Variants in INVS observed in about 807,000 individuals in gnomAD.
INVS encodes inversin, also known as inversion of embryo turning homolog.
In INVS, 86 loss-of-function variants were observed where a neutral mutation model predicts 108.8. The observed-to-expected ratio is 0.79, with a 90% CI of 0.66 to 0.95. The LOEUF (loss-of-function observed/expected upper bound fraction) is 0.95. Among genes scored for constraint, INVS ranks in the 40% least tolerant of loss-of-function variants. The probability of loss-of-function intolerance (pLI) is 0.00; values close to 1 mark genes in which losing one functional copy is unlikely to be tolerated. For missense variants in INVS, 1,169 were observed against 1,297.4 expected, an observed-to-expected ratio of 0.90 and a Z score of 1.52; for synonymous variants, 455 against 473.5, an observed-to-expected ratio of 0.96 and a Z score of 0.51.
intron 10 of INVS, among the ~76,000 whole-genome samples, chr9:100,258,073 AT>A (rs1161000967): frequency 6.6e-6 from 1 of 152,184 alleles, no homozygotes; most frequent in Non-Finnish European, 1.5e-5. Flanking sequence ...GTCTTTTCAC[AT>A]AGACCCATAT....
intron 3 of INVS, among the ~76,000 whole-genome samples, chr9:100,140,698 T>C (rs1383769750): frequency 2.6e-5 from 4 of 152,246 alleles, no homozygotes; most frequent in African/African-American, 7.2e-5. Flanking sequence ...CGATGTTTCT[T>C]AGGGCTGCTT....
chr9:100,292,286 C>T (rs142068558), intron 13 of INVS, 40 bp from the exon 14 acceptor site: 1 of 1,546,632 alleles, frequency 6.5e-7, no homozygotes, highest in East Asian at 2.2e-5. Context: ...TTATCCTACT[C>T]TGCAAGTTTT....
intron 10 of INVS, among the ~76,000 whole-genome samples, chr9:100,260,828 A>G (rs1428409660): frequency 6.6e-6 from 1 of 152,140 alleles, no homozygotes; most frequent in Non-Finnish European, 1.5e-5. Context: ...CTTTTTCACT[A>G]TTATAGGTAA....
At chr9:100,264,769 C>T in intron 10 of INVS, 53 bp from the exon 11 acceptor site, 1 of 1,190,096 alleles carries the variant, frequency 8.4e-7, no homozygotes, top group Non-Finnish European at 1.3e-6. Context: ...TAAATAACCA[C>T]ATATCCAAAA....
chr9:100,228,918 A>G (rs1304397509), intron 4 of INVS, among the ~76,000 whole-genome samples: 1 of 152,190 alleles, frequency 6.6e-6, no homozygotes, highest in Non-Finnish European at 1.5e-5. Flanking sequence ...TGTCAAACCC[A>G]ATTCCCGTCA....
At chr9:100,255,884 T>C (rs1832403238) in intron 10 of INVS, among the ~76,000 whole-genome samples, 1 of 152,176 alleles carries the variant, frequency 6.6e-6, no homozygotes, top group Admixed American at 6.5e-5. Flanking sequence ...TCTTTTTTTG[T>C]TGTGTCTCTG....
At chr9:100,204,287 A>T (rs895431045) in intron 3 of INVS, among the ~76,000 whole-genome samples, 2 of 152,350 alleles carry the variant, frequency 1.3e-5, no homozygotes, top group East Asian at 3.9e-4. Flanking sequence ...AATAAGGATA[A>T]TGCAGTTCAC....
At chr9:100,149,090 T>G (rs1344102740) in intron 3 of INVS, among the ~76,000 whole-genome samples, 1 of 152,174 alleles carries the variant, frequency 6.6e-6, no homozygotes, top group African/African-American at 2.4e-5. Context: ...ACTCATACCT[T>G]TTGCTTTAGT....
At chr9:100,157,103 A>G (rs1323805108) in intron 3 of INVS, among the ~76,000 whole-genome samples, 1 of 151,620 alleles carries the variant, frequency 6.6e-6, no homozygotes, top group Non-Finnish European at 1.5e-5. Context: ...TCATGGAAAG[A>G]TCTCCAGGGT....
At chr9:100,247,835 G>A (rs1217486648) in intron 8 of INVS, among the ~76,000 whole-genome samples, 4 of 151,864 alleles carry the variant, frequency 2.6e-5, no homozygotes, top group African/African-American at 9.7e-5. Context: ...TTGAGACGGA[G>A]TCTCACTCTG....
intron 3 of INVS, among the ~76,000 whole-genome samples, chr9:100,163,572 T>C (rs1244626738): frequency 1.3e-5 from 2 of 152,142 alleles, no homozygotes; most frequent in Non-Finnish European, 2.9e-5. Context: ...TTTTAAAGTA[T>C]ATATTATATC....
At chr9:100,146,203 T>C (rs1392227779) in intron 3 of INVS, among the ~76,000 whole-genome samples, 6 of 151,950 alleles carry the variant, frequency 3.9e-5, no homozygotes, top group African/African-American at 1.5e-4. Flanking sequence ...GCGGGCTGAG[T>C]CTGAAAAGAG....
chr9:100,122,234 A>G (rs1019689836), intron 2 of INVS, among the ~76,000 whole-genome samples: 7 of 152,138 alleles, frequency 4.6e-5, no homozygotes, highest in South Asian at 2.1e-4. Flanking sequence ...GCTGATTTTC[A>G]TTTTAGTGGT....
rs574023805 is a variant in INVS, at chr9:100,115,169, A to G, written c.106+10542A>G. On this transcript the variant is annotated intron_variant, in intron 2 of 16. Coordinates refer to ENST00000262457, the MANE Select transcript of INVS (RefSeq NM_014425.5). The stretch of plus-strand genomic sequence containing the variant: ...TCTAATAGATGTGCAGTGGTATCGC[A>G]TTATAGGTTAAGTTTACATTTCCCT... 6.6e-5 allele frequency among the ~76,000 whole-genome samples: 10 copies of G among 152,276 alleles called. 1 individual carries two copies. In the South Asian group the frequency reaches 1.0e-3, roughly 16 times the overall value.
At chr9:100,292,124 T>A (rs1242268712) in intron 13 of INVS, among the ~76,000 whole-genome samples, 3 of 152,200 alleles carry the variant, frequency 2.0e-5, no homozygotes, top group Non-Finnish European at 4.4e-5. Flanking sequence ...ATCCACTATA[T>A]TTTCGTTAAG....
chr9:100,163,186 A>ATTT (rs556149756), intron 3 of INVS, among the ~76,000 whole-genome samples: 1,703 of 131,812 alleles, frequency 0.013, 46 homozygotes, highest in African/African-American at 0.045. Flanking sequence ...TGTTCTTTCT[A>ATTT]TTTTTTTTTT....
intron 3 of INVS, among the ~76,000 whole-genome samples, chr9:100,201,373 C>T (rs1420065696): frequency 5.9e-5 from 9 of 152,202 alleles, no homozygotes; most frequent in Admixed American, 5.9e-4. Context: ...AAGGGAGGTA[C>T]CATTTTTAGC....
intron 3 of INVS, among the ~76,000 whole-genome samples, chr9:100,150,527 A>G (rs1828774804): frequency 6.6e-6 from 1 of 152,198 alleles, no homozygotes; most frequent in South Asian, 2.1e-4. Context: ...TATGGCTGGT[A>G]AAAAGGGACT....
At chr9:100,182,287 CT>C (rs1588069136) in intron 3 of INVS, among the ~76,000 whole-genome samples, 2 of 152,074 alleles carry the variant, frequency 1.3e-5, no homozygotes, top group African/African-American at 4.8e-5. Flanking sequence ...AACTAAAGAG[CT>C]TTGGCACAGC....
Sources: allele counts gnomAD v4.1 joint callset (sites outside exome capture counted in the v4.1 genomes callset), GRCh38; gene constraint gnomAD v4.1.1; transcripts MANE v1.5; gene names NCBI Gene and HGNC (gene_info 2026-07-23, HGNC 2026-07-21).